Variants in NDEL1 observed in about 807,000 individuals in gnomAD.
NDEL1 encodes the protein nudE neurodevelopment protein 1 like 1.
Under a neutral mutation model 45.7 loss-of-function variants are expected in NDEL1, and 9 were observed. That is an observed-to-expected ratio of 0.20 (90% CI 0.12 to 0.34). The LOEUF (loss-of-function observed/expected upper bound fraction) is 0.34, where lower values mean the gene tolerates loss of function less well. NDEL1 is among the 10% of genes least tolerant of loss of function. The pLI, the probability that NDEL1 is intolerant of heterozygous loss-of-function variation, is 1.00. For synonymous variants in NDEL1, 133 were observed against 158.6 expected (o/e 0.84, Z 1.21); for missense variants, 306 against 406.2 (o/e 0.75, Z 2.12).
rs200450931 is a variant in NDEL1 at position 8,450,881 on chromosome 17, G to A, written c.628G>A (p.Val210Ile). 10 of 1,613,118 alleles carry A rather than the reference G, an allele frequency of 6.2e-6. No homozygotes were observed. The highest frequency in any genetic ancestry group is 3.3e-4 in the Middle Eastern group (2 of 6,080). Residue 210 changes from valine (V) to isoleucine (I), a missense_variant, in exon 6 of 9, where the codon GTC becomes ATC. By Grantham distance (29) the Val-to-Ile change is conservative. Coordinates refer to ENST00000334527, the MANE Select transcript of NDEL1 (RefSeq NM_030808.5). ...AGACTGTGAAAAGATGGACTCCGCC[G>A]TCCAAGCATCACTTTCTTTGCCAGC... ...TLDCEKMDSA[V>I]QASLSLPATP...
intron 8 of NDEL1, chr17:8,464,937 G>C (rs1911476165): frequency 1.3e-5 from 2 of 152,246 alleles, no homozygotes. Context: ...ACCTGCTTGA[G>C]GAGCCATCTC....
At chr17:8,416,365 G>A (rs1908545512) in intron 1 of NDEL1, among the ~76,000 whole-genome samples, 1 of 152,284 alleles carries the variant, frequency 6.6e-6, no homozygotes, top group African/African-American at 2.4e-5. Context: ...CCAATGACAG[G>A]AGGTAATTTT....
At chr17:8,471,029 C>T (rs1323289090), downstream of NDEL1, among the ~76,000 whole-genome samples, 1 of 152,236 alleles carries the variant, frequency 6.6e-6, no homozygotes, top group East Asian at 1.9e-4. Context: ...TGCCCCCTCC[C>T]CGACTGTAAC....
At chr17:8,433,672 G>T (rs560695344), upstream of NDEL1, among the ~76,000 whole-genome samples, 2 of 152,166 alleles carry the variant, frequency 1.3e-5, no homozygotes, top group South Asian at 4.1e-4. Flanking sequence ...AATTTATTTT[G>T]GTGCAAACAT....
chr17:8,440,756 A>G lies in NDEL1; in HGVS notation c.-12-3504A>G, dbSNP rs76524643. On this transcript the variant is annotated intron_variant, in intron 1 of 8. Coordinates refer to ENST00000334527, the MANE Select transcript of NDEL1 (RefSeq NM_030808.5). Reference sequence around the variant, plus strand: ...AGTCAGAGACAAATGGATACTCGCAATACATCCAGAGGGGTAAACAATGCT... The same window carrying G: ...AGTCAGAGACAAATGGATACTCGCAGTACATCCAGAGGGGTAAACAATGCT... Among the ~76,000 whole-genome samples the G allele has an allele frequency of 1.7e-3, 265 of 152,354 alleles. 1 individual carries two copies. Among genetic ancestry groups the G allele is most frequent in the East Asian group, 0.017 (88 of 5,188 alleles).
chr17:8,446,682 A>T, intron 3 of NDEL1, 72 bp from the exon 4 acceptor site: 6 of 1,489,528 alleles, frequency 4.0e-6, no homozygotes, highest in African/African-American at 2.8e-5. Flanking sequence ...CCACCCTTTT[A>T]ACTTGAGTTA....
intron 1 of NDEL1, among the ~76,000 whole-genome samples, chr17:8,428,084 T>C (rs992525437): frequency 6.6e-6 from 1 of 152,160 alleles, no homozygotes; most frequent in African/African-American, 2.4e-5. Flanking sequence ...TTTTTCTTTA[T>C]AGCATTTCTC....
rs114915892 is a variant in NDEL1, at chr17:8,451,883, G to C, written c.700+930G>C. ...GCAACTAGTACAGTGAGCTCTCTCT[G>C]TCTGTGCTACTCAATAGTCACCAGC... On this transcript the variant is annotated intron_variant, in intron 6 of 8. Coordinates refer to ENST00000334527, the MANE Select transcript of NDEL1 (RefSeq NM_030808.5). 9.0e-3 allele frequency among the ~76,000 whole-genome samples: 1,361 copies of C among 152,064 alleles called. 18 individuals are homozygous for C. Among genetic ancestry groups the C allele is most frequent in the African/African-American group, 0.031 (1,290 of 41,448 alleles).
At chr17:8,445,175 A>G (rs1910000658) in intron 2 of NDEL1, 1 of 152,242 alleles carries the variant, frequency 6.6e-6, no homozygotes, top group Non-Finnish European at 1.5e-5. Context: ...AATCAATTAT[A>G]TTGAAAAAAG....
intron 1 of NDEL1, among the ~76,000 whole-genome samples, chr17:8,440,284 G>A (rs898076643): frequency 1.3e-5 from 2 of 152,128 alleles, no homozygotes; most frequent in African/African-American, 2.4e-5. Flanking sequence ...TTGGGAGGCC[G>A]AGGAGGGCAG....
upstream of NDEL1, among the ~76,000 whole-genome samples, chr17:8,433,333 A>G (rs1022451870): frequency 6.6e-6 from 1 of 152,224 alleles, no homozygotes; most frequent in Non-Finnish European, 1.5e-5. Flanking sequence ...CAATTAGCAC[A>G]TGAACAAGAT....
chr17:8,440,378 G>C (rs923079949), intron 1 of NDEL1, among the ~76,000 whole-genome samples: 2 of 152,102 alleles, frequency 1.3e-5, no homozygotes, highest in African/African-American at 4.8e-5. Flanking sequence ...GCCAGGTATG[G>C]TGGTGGGTGC....
intron 2 of NDEL1, 42 bp downstream of exon 2, chr17:8,444,399 G>C: frequency 7.8e-7 from 1 of 1,277,426 alleles, no homozygotes; most frequent in Admixed American, 1.8e-5. Context: ...AGGGCATTTG[G>C]AATACACCGT....
chr17:8,471,736 A>G (rs1318298439), downstream of NDEL1, among the ~76,000 whole-genome samples: 4 of 152,204 alleles, frequency 2.6e-5, no homozygotes, highest in Non-Finnish European at 5.9e-5. Context: ...AGCTTCATAT[A>G]AGATTCCCAA....
At chr17:8,432,359 A>ATATATATATATTATATATAAATATATAT (rs1567722422), upstream of NDEL1, among the ~76,000 whole-genome samples, 32 of 59,808 alleles carry the variant, frequency 5.4e-4, no homozygotes, top group Middle Eastern at 8.5e-3. Flanking sequence ...TATAAATATA[A>ATATATATATATTATATATAAATATATAT]ATATATATAT....
chr17:8,462,676 C>T (rs1911287532), intron 8 of NDEL1: 1 of 152,204 alleles, frequency 6.6e-6, no homozygotes, highest in South Asian at 2.1e-4. Flanking sequence ...TTGAAAAAGC[C>T]CTCCACTGCA....
At chr17:8,471,546 G>A (rs905014191), downstream of NDEL1, among the ~76,000 whole-genome samples, 6 of 152,172 alleles carry the variant, frequency 3.9e-5, no homozygotes, top group Non-Finnish European at 7.4e-5. Context: ...GTTATGTCAC[G>A]TTACCTCTCG....
chr17:8,455,868 T>TA (rs1266713619), intron 7 of NDEL1, among the ~76,000 whole-genome samples: 6 of 152,174 alleles, frequency 3.9e-5, no homozygotes, highest in Non-Finnish European at 8.8e-5. Context: ...ACACATCTCT[T>TA]ACTCTGTCAC....
upstream of NDEL1, among the ~76,000 whole-genome samples, chr17:8,433,216 G>A (rs191391148): frequency 2.7e-3 from 409 of 152,292 alleles, 3 homozygotes; most frequent in African/African-American, 8.3e-3. Flanking sequence ...CCCATTGGGT[G>A]GAAAGTTAGC....
Sources: gnomAD v4.1 joint callset for allele counts (sites outside exome capture counted in the v4.1 genomes callset) on GRCh38, gnomAD v4.1.1 for gene constraint, MANE v1.5 for transcripts, NCBI Gene and HGNC (gene_info 2026-07-23, HGNC 2026-07-21) for gene names.